The following AFF3 variants were observed in gnomAD, a reference collection of about 807,000 sequenced individuals.
AFF3 encodes the protein AF4/FMR2 family member 3.
Under a neutral mutation model 129.7 loss-of-function variants are expected in AFF3, and 32 were observed. The observed-to-expected ratio is 0.25, with a 90% CI of 0.19 to 0.33. The LOEUF (loss-of-function observed/expected upper bound fraction) is 0.33, where lower values mean the gene tolerates loss of function less well. Ranked by LOEUF, AFF3 falls within the 10% of genes least tolerant of loss-of-function variation. The probability of loss-of-function intolerance (pLI) is 1.00; values close to 1 mark genes in which losing one functional copy is unlikely to be tolerated. For synonymous variants in AFF3, 644 were observed against 635.4 expected (o/e 1.01, Z -0.20); for missense variants, 1,373 against 1,592.0 (o/e 0.86, Z 2.34).
In AFF3 at chr2:99,744,257, A is replaced by G; in HGVS notation, c.1003-117T>C. The stretch of plus-strand genomic sequence containing the variant: ...AACCGATTCATTGCTCTCAATCTCT[A>G]TCAGCTACTTTAATGAGAAACATAT... On this transcript the variant is annotated intron_variant, in intron 9 of 24. Coordinates refer to ENST00000672756, the MANE Select transcript of AFF3 (RefSeq NM_001386135.1). The G allele has an allele frequency of 5.0e-6, 4 of 801,460 alleles. No homozygotes were observed. In the South Asian group the frequency reaches 7.5e-5, roughly 15 times the overall value. The allele number at this position is 801,460 out of a possible 1,614,324, so 49.6% of individuals were successfully genotyped here. A position where few individuals can be genotyped will look rare whatever the true frequency, so the allele number is the denominator to read the frequency against.
chr2:99,714,473 G>A (rs983399311), intron 11 of AFF3, among the ~76,000 whole-genome samples: 2 of 151,980 alleles, frequency 1.3e-5, no homozygotes, highest in Non-Finnish European at 2.9e-5. Flanking sequence ...TGTATGCTAG[G>A]TTTTTCATTT....
chr2:99,864,912 C>T (rs955304920), intron 7 of AFF3, among the ~76,000 whole-genome samples: 1 of 152,162 alleles, frequency 6.6e-6, no homozygotes, highest in Non-Finnish European at 1.5e-5. Flanking sequence ...CAGAGTCATG[C>T]TTTCTTGGCA....
intron 13 of AFF3, among the ~76,000 whole-genome samples, chr2:99,626,550 CT>C (rs1438735360): frequency 2.2e-5 from 3 of 137,564 alleles, no homozygotes; most frequent in African/African-American, 5.5e-5. Context: ...CTTCTCCCTT[CT>C]CCCTCCCCTC....
chr2:99,721,527 C>A (rs369363138), intron 11 of AFF3, among the ~76,000 whole-genome samples: 161 of 134,324 alleles, frequency 1.2e-3, no homozygotes, highest in African/African-American at 1.4e-3. Context: ...GACTCTGTCT[C>A]AAAAAAAAAA....
intron 7 of AFF3, among the ~76,000 whole-genome samples, chr2:99,878,980 A>G (rs547355384): frequency 6.6e-6 from 1 of 152,348 alleles, no homozygotes; most frequent in South Asian, 2.1e-4. Flanking sequence ...AAATTAGGTA[A>G]CTTCAGAGAG....
At chr2:99,907,641 G>A (rs779647677) in intron 7 of AFF3, among the ~76,000 whole-genome samples, 9 of 148,144 alleles carry the variant, frequency 6.1e-5, no homozygotes, top group Non-Finnish European at 1.2e-4. Flanking sequence ...TCTTCTTGTT[G>A]TTGTTTTGTT....
At chr2:99,731,188 C>A (rs1160538742) in intron 10 of AFF3, among the ~76,000 whole-genome samples, 1 of 152,096 alleles carries the variant, frequency 6.6e-6, no homozygotes, top group African/African-American at 2.4e-5. Flanking sequence ...GAAATCCTGG[C>A]CTCAAGTAAT....
At chr2:100,087,414 C>T (rs1040287676) in intron 4 of AFF3, among the ~76,000 whole-genome samples, 14 of 152,190 alleles carry the variant, frequency 9.2e-5, no homozygotes, top group Admixed American at 3.3e-4. Context: ...TGCACAAGAT[C>T]AGGACCTAAA....
intron 4 of AFF3, among the ~76,000 whole-genome samples, chr2:100,055,698 G>C (rs1388487788): frequency 3.3e-5 from 5 of 152,128 alleles, no homozygotes; most frequent in African/African-American, 1.2e-4. Context: ...CGGGCCAAAT[G>C]GTCTCTAAAG....
At chr2:99,617,272 A>G (rs1681531649) in intron 13 of AFF3, among the ~76,000 whole-genome samples, 1 of 152,216 alleles carries the variant, frequency 6.6e-6, no homozygotes, top group African/African-American at 2.4e-5. Flanking sequence ...CATTCCCACC[A>G]GGAGTGCATG....
chr2:99,781,002 C>T (rs1684362850), intron 8 of AFF3, among the ~76,000 whole-genome samples: 1 of 152,154 alleles, frequency 6.6e-6, no homozygotes. Context: ...CTTCCAGTGG[C>T]TTCTTATCTT....
chr2:99,940,371 C>A (rs1179805043), intron 7 of AFF3, among the ~76,000 whole-genome samples: 2 of 152,200 alleles, frequency 1.3e-5, no homozygotes, highest in East Asian at 1.9e-4. Context: ...CTGAAACCTA[C>A]TGGGCTGCAT....
intron 18 of AFF3, among the ~76,000 whole-genome samples, chr2:99,569,440 T>C (rs183838251): frequency 6.6e-6 from 1 of 152,344 alleles, no homozygotes; most frequent in East Asian, 1.9e-4. Flanking sequence ...AGAGGTAATG[T>C]TGGATGATTA....
chr2:99,682,870 G>C (rs920790749), intron 11 of AFF3, among the ~76,000 whole-genome samples: 6 of 152,220 alleles, frequency 3.9e-5, no homozygotes, highest in African/African-American at 9.6e-5. Flanking sequence ...GCAGATGGCA[G>C]ATACGAGGTT....
rs1228752720 is a variant in AFF3, at chr2:99,839,411, GTTTT to G, written c.874-1891_874-1888del. On this transcript the variant is annotated intron_variant, in intron 7 of 24. Coordinates refer to ENST00000672756, the MANE Select transcript of AFF3 (RefSeq NM_001386135.1). ...AGGCATGAGCCACCGTGCCTGGCCT[GTTTT>G]AACTTTTTGAGGAACTGTCAAATTG... 1.8e-3 allele frequency among the ~76,000 whole-genome samples: 277 copies of G among 151,522 alleles called. 2 individuals carry two copies. The highest frequency in any genetic ancestry group is 4.7e-4 in the Non-Finnish European group (32 of 67,796).
Position 99,649,729 on chromosome 2 carries a change from T to G in AFF3, c.1144-63A>C. ...TCTGACTTTTGAATTACGTGCTCAA[T>G]GAACACTTAAAAAAAAGACCCCTGC... On this transcript the variant is annotated intron_variant, in intron 12 of 24. Coordinates refer to ENST00000672756, the MANE Select transcript of AFF3 (RefSeq NM_001386135.1). 1.9e-6 allele frequency: 3 copies of G among 1,583,194 alleles called. No individual in the cohort carries two copies. In the South Asian group the frequency reaches 3.4e-5, roughly 18 times the overall value.
chr2:99,814,828 C>T (rs990588860), intron 8 of AFF3, among the ~76,000 whole-genome samples: 4 of 151,002 alleles, frequency 2.6e-5, no homozygotes, highest in Non-Finnish European at 5.9e-5. Flanking sequence ...TTGACTATGC[C>T]ATATGATTTG....
At chr2:99,844,760 T>C (rs767250804) in intron 7 of AFF3, among the ~76,000 whole-genome samples, 1 of 152,074 alleles carries the variant, frequency 6.6e-6, no homozygotes, top group Non-Finnish European at 1.5e-5. Context: ...TTTTACTGTA[T>C]TAAAACATTT....
intron 8 of AFF3, among the ~76,000 whole-genome samples, chr2:99,773,423 TG>T (rs1202178711): frequency 2.6e-5 from 4 of 152,190 alleles, no homozygotes; most frequent in African/African-American, 9.7e-5. Context: ...GCTACAAAGC[TG>T]TCATCTAGGC....
Sources: allele counts gnomAD v4.1 joint callset (sites outside exome capture counted in the v4.1 genomes callset), GRCh38; gene constraint gnomAD v4.1.1; transcripts MANE v1.5; gene names NCBI Gene and HGNC (gene_info 2026-07-23, HGNC 2026-07-21).